SPTBN1: variants seen among roughly 807,000 people sequenced by gnomAD.
The protein encoded by SPTBN1 is spectrin beta, non-erythrocytic 1, also known as spectrin beta chain, non-erythrocytic 1.
A neutral mutation model predicts 266.4 loss-of-function variants in SPTBN1; 32 were observed. That is an observed-to-expected ratio of 0.12 (90% CI 0.09 to 0.16). SPTBN1 has a LOEUF of 0.16. SPTBN1 is among the 10% of genes least tolerant of loss of function. The probability of loss-of-function intolerance (pLI) is 1.00; values close to 1 mark genes in which losing one functional copy is unlikely to be tolerated. For synonymous variants in SPTBN1, 1,336 were observed against 1,162.2 expected (o/e 1.15, Z -3.04); for missense variants, 2,296 against 3,067.1 (o/e 0.75, Z 5.94).
Position 54,487,832 on chromosome 2 carries a change from C to CTCTTTTTTTTT in SPTBN1, c.-48+31315_-48+31316insCTTTTTTTTTT, listed in dbSNP as rs1426296541. On this transcript the variant is annotated intron_variant, in intron 1 of 35. Coordinates refer to ENST00000356805, the MANE Select transcript of SPTBN1 (RefSeq NM_003128.3). ...TTCACTTGATGGTCTCCTCCTGTGTCTTTTTTTTTTTTTTTGAGACGGAGT... is the reference window on the plus strand; with the variant it reads ...TTCACTTGATGGTCTCCTCCTGTGTCTCTTTTTTTTTTTTTTTTTTTTTTTTGAGACGGAGT... Among the ~76,000 whole-genome samples the CTCTTTTTTTTT allele has an allele frequency of 3.1e-3, 210 of 68,594 alleles. 3 individuals are homozygous for CTCTTTTTTTTT. The highest frequency in any genetic ancestry group is 4.1e-3 in the Non-Finnish European group (161 of 38,998). 45.0% of individuals were successfully genotyped at this position (68,594 alleles called of 152,430 possible).
intron 2 of SPTBN1, among the ~76,000 whole-genome samples, chr2:54,535,755 G>T (rs1394210010): frequency 6.6e-6 from 1 of 152,210 alleles, no homozygotes; most frequent in Non-Finnish European, 1.5e-5. Context: ...CAGATGCAGT[G>T]GCTCACACCT....
Position 54,646,280 on chromosome 2 carries a change from C to A in SPTBN1, c.4671C>A (p.Ser1557Arg). Reference protein sequence around the residue: ...RSQNIVTDSSSLSAEAIRQRL... With the variant: ...RSQNIVTDSSRLSAEAIRQRL... ...AAAACATCGTCACTGACAGCAGCAG[C>A]CTCAGCGCTGAGGCCATCAGACAGA... The change falls in exon 23 of 36, where the codon AGC (serine) becomes AGA (arginine). Residue 1557 changes from serine (S) to arginine (R), a missense_variant. Ser to Arg is a moderately radical substitution (Grantham distance 110, BLOSUM62 -1). This residue lies in a region of SPTBN1 where 644 missense variants were observed against 745.3 expected (regional missense o/e 0.86). Transcript: ENST00000356805. The surrounding 1 kb of genome is among the most constrained non-coding windows in gnomAD (Gnocchi z 4.4). 1.2e-6 allele frequency: 2 copies of A among 1,614,202 alleles called. No homozygotes were observed. The highest frequency in any genetic ancestry group is 1.7e-6 in the Non-Finnish European group (2 of 1,180,038).
chr2:54,522,502 ACACC>A (rs1670501351), intron 1 of SPTBN1, among the ~76,000 whole-genome samples: 1 of 151,738 alleles, frequency 6.6e-6, no homozygotes, highest in Non-Finnish European at 1.5e-5. Context: ...ATGATAGTGC[ACACC>A]TGTAATTCCA....
intron 2 of SPTBN1, among the ~76,000 whole-genome samples, chr2:54,577,931 G>T (rs931035274): frequency 1.5e-5 from 2 of 132,138 alleles, no homozygotes; most frequent in African/African-American, 7.2e-5. Context: ...GATTTGCTGA[G>T]ACTCTCACTC....
intron 1 of SPTBN1, among the ~76,000 whole-genome samples, chr2:54,518,515 T>C (rs1434761267): frequency 6.6e-6 from 1 of 151,198 alleles, no homozygotes; most frequent in African/African-American, 2.4e-5. Context: ...AACTGAACAG[T>C]TGAGATAGTT....
At chr2:54,627,927 T>G (rs1226406900) in intron 12 of SPTBN1, among the ~76,000 whole-genome samples, 170 bp from the exon 13 acceptor site, 1 of 152,176 alleles carries the variant, frequency 6.6e-6, no homozygotes, top group Non-Finnish European at 1.5e-5. Context: ...AGGTATGATT[T>G]GTTTTGTTCT....
At chr2:54,505,552 A>G (rs1243727157) in intron 1 of SPTBN1, among the ~76,000 whole-genome samples, 1 of 152,126 alleles carries the variant, frequency 6.6e-6, no homozygotes, top group East Asian at 1.9e-4. Context: ...CAGCTCTCCC[A>G]GGAAGGCTCC....
chr2:54,500,668 C>T (rs1352069730), intron 1 of SPTBN1, among the ~76,000 whole-genome samples: 1 of 152,156 alleles, frequency 6.6e-6, no homozygotes, highest in African/African-American at 2.4e-5. Context: ...ACCTCAGCCT[C>T]CTGTAGTAGC....
chr2:54,668,873 G>A lies in SPTBN1; in HGVS notation c.*304G>A, dbSNP rs549534668. 15 of 318,494 alleles carry A rather than the reference G, an allele frequency of 4.7e-5. No individual in the cohort carries two copies. The highest frequency in any genetic ancestry group is 7.7e-5 in the Non-Finnish European group (13 of 168,022). 19.7% of individuals were successfully genotyped at this position (318,494 alleles called of 1,614,324 possible). A position where few individuals can be genotyped will look rare whatever the true frequency, so the allele number is the denominator to read the frequency against. ...TGTGAGGCTGTGTTGGAAATAACCC[G>A]CCTCTAGTGCTGTTGGTATGCAAGG... On this transcript the variant is annotated 3_prime_UTR_variant, in exon 36 of 36. Coordinates refer to ENST00000356805, the MANE Select transcript of SPTBN1 (RefSeq NM_003128.3).
In SPTBN1 at chr2:54,589,902, C is replaced by T. The variant is rs189965160; in HGVS notation, c.149-9190C>T. Among the ~76,000 whole-genome samples the T allele has an allele frequency of 2.0e-3, 306 of 152,246 alleles. 2 individuals are homozygous for T. The highest frequency in any genetic ancestry group is 6.8e-3 in the Middle Eastern group (2 of 294). ...CTATTCTTTTGTTTTGAGTTAAGATCCTTTTTTATTCTTTATTTTAAAACA... is the reference window on the plus strand; with the variant it reads ...CTATTCTTTTGTTTTGAGTTAAGATTCTTTTTTATTCTTTATTTTAAAACA... On this transcript the variant is annotated intron_variant, in intron 2 of 35. Coordinates refer to ENST00000356805, the MANE Select transcript of SPTBN1 (RefSeq NM_003128.3).
chr2:54,621,813 A>G (rs1222693152), intron 8 of SPTBN1, among the ~76,000 whole-genome samples: 2 of 152,120 alleles, frequency 1.3e-5, no homozygotes, highest in African/African-American at 4.8e-5. Context: ...GTGACATCCT[A>G]CTTACCACAG....
chr2:54,632,425 A>T, intron 16 of SPTBN1, 141 bp from the exon 17 acceptor site: 3 of 958,282 alleles, frequency 3.1e-6, no homozygotes, highest in Admixed American at 2.7e-5. Context: ...TTTCCTCCTA[A>T]CTTTTAATTT....
Position 54,491,576 on chromosome 2 carries a change from T to C in SPTBN1, c.-47-34796T>C, listed in dbSNP as rs1045647084. 2.6e-5 allele frequency among the ~76,000 whole-genome samples: 4 copies of C among 152,324 alleles called. No individual in the cohort carries two copies. The East Asian group carries it at 5.8e-4, about 22-fold the overall frequency. ...ATTCTGTGGTTCAAGTAATCATTTTTAAGTAATTTACTTCTAATTTCTCTC... is the reference window on the plus strand; with the variant it reads ...ATTCTGTGGTTCAAGTAATCATTTTCAAGTAATTTACTTCTAATTTCTCTC... On this transcript the variant is annotated intron_variant, in intron 1 of 35. Coordinates refer to ENST00000356805, the MANE Select transcript of SPTBN1 (RefSeq NM_003128.3).
chr2:54,653,822 A>T lies in SPTBN1; in HGVS notation c.5791A>T (p.Ile1931Phe). Residue 1931 changes from isoleucine (I) to phenylalanine (F), a missense_variant, in exon 27 of 36, where the codon ATC (isoleucine) becomes TTC (phenylalanine). Coordinates refer to ENST00000356805, the MANE Select transcript of SPTBN1 (RefSeq NM_003128.3). The surrounding 1 kb of genome is among the most constrained non-coding windows in gnomAD (Gnocchi z 5.1). The stretch of plus-strand genomic sequence containing the variant: ...CCTCATGCTCTGGATGGAGGATGTC[A>T]TCCGGCAGATCGAGGCCCAGGAGAA... ...RDLMLWMEDV[I>F]RQIEAQEKPR... 3 of 1,613,496 alleles carry T rather than the reference A, an allele frequency of 1.9e-6. No individual in the cohort carries two copies. Among genetic ancestry groups the T allele is most frequent in the Non-Finnish European group, 1.7e-6 (2 of 1,179,840 alleles).
Position 54,649,565 on chromosome 2 carries a change from T to C in SPTBN1, c.5203-50T>C, listed in dbSNP as rs1172752174. 7.0e-6 allele frequency: 11 copies of C among 1,581,494 alleles called. No individual in the cohort carries two copies. The highest frequency in any genetic ancestry group is 9.5e-6 in the Non-Finnish European group (11 of 1,160,280). ...AAAGGGTATTCATGTGATCAAGAAA[T>C]ACAGAGTTCACAGTGGGCTCTCTGA... On this transcript the variant is annotated intron_variant, in intron 25 of 35. Transcript: ENST00000356805. This position sits in a 1 kb window ranked among gnomAD's most constrained non-coding sequence, Gnocchi z 6.7.
intron 1 of SPTBN1, chr2:54,520,251 G>C (rs1670359750): frequency 6.6e-6 from 1 of 152,210 alleles, no homozygotes; most frequent in African/African-American, 2.4e-5. Flanking sequence ...AACAGGTAAA[G>C]TATTTTCCCT....
chr2:54,659,286 G>C lies in SPTBN1; in HGVS notation c.6356+20G>C, dbSNP rs1399468692. ...GCAGTGGTGAGTCCCAGCAGCTCCAGAGGCTGGACCCTTAGCCTCGGTGGC... is the reference window on the plus strand; with the variant it reads ...GCAGTGGTGAGTCCCAGCAGCTCCACAGGCTGGACCCTTAGCCTCGGTGGC... On this transcript the variant is annotated intron_variant, in intron 31 of 35. Transcript: ENST00000356805. The C allele has an allele frequency of 6.2e-7, 1 of 1,613,018 alleles. No homozygotes were observed. Among genetic ancestry groups the C allele is most frequent in the Non-Finnish European group, 8.5e-7 (1 of 1,179,158 alleles).
intron 1 of SPTBN1, among the ~76,000 whole-genome samples, chr2:54,510,927 G>C (rs1353019572): frequency 6.6e-6 from 1 of 152,212 alleles, no homozygotes; most frequent in Admixed American, 6.5e-5. Flanking sequence ...TTGAGCGATA[G>C]TAGGAGCCAG....
chr2:54,508,330 A>G (rs1159647191), intron 1 of SPTBN1, among the ~76,000 whole-genome samples: 1 of 152,118 alleles, frequency 6.6e-6, no homozygotes, highest in Non-Finnish European at 1.5e-5. Flanking sequence ...TAGTTTCCTG[A>G]CTCGAGGCAT....
Sources: gnomAD v4.1 joint callset for allele counts (sites outside exome capture counted in the v4.1 genomes callset) on GRCh38, gnomAD v4.1.1 for gene constraint, gnomAD v4.1.1 regional missense constraint, Gnocchi (gnomAD v3.1) non-coding constraint, MANE v1.5 for transcripts, NCBI Gene and HGNC (gene_info 2026-07-23, HGNC 2026-07-21) for gene names.